FILIP1L: variants seen among roughly 807,000 people sequenced by gnomAD.
FILIP1L encodes the protein filamin A-interacting protein 1-like.
FILIP1L carries 55 observed loss-of-function variants against 96.6 expected under a neutral mutation model. That is an observed-to-expected ratio of 0.57 (90% confidence interval 0.46 to 0.71). FILIP1L has a LOEUF of 0.71. Among genes scored for constraint, FILIP1L ranks in the 30% least tolerant of loss-of-function variants. The pLI is 0.00. For synonymous variants in FILIP1L, 467 were observed against 473.9 expected, an observed-to-expected ratio of 0.99 and a Z score of 0.19; for missense variants, 1,304 against 1,321.2, an observed-to-expected ratio of 0.99 and a Z score of 0.20.
intron 1 of FILIP1L, among the ~76,000 whole-genome samples, chr3:100,042,360 C>T (rs1460976471): frequency 6.6e-6 from 1 of 152,026 alleles, no homozygotes; most frequent in African/African-American, 2.4e-5. Context: ...GGCTCTGTGA[C>T]CAGCCAATAC....
chr3:100,099,594 G>A (rs992214183), intron 1 of FILIP1L, among the ~76,000 whole-genome samples: 1 of 152,082 alleles, frequency 6.6e-6, no homozygotes, highest in African/African-American at 2.4e-5. Flanking sequence ...TTACACAGGG[G>A]AATTACAATA....
rs749740482 is a variant in FILIP1L, at chr3:99,848,395, C to T, written c.3281G>A (p.Gly1094Asp). Reference protein sequence around the residue: ...SAPLQDNRTQGLINGALNKTT... With the variant: ...SAPLQDNRTQDLINGALNKTT... ...TTTGTTTAGTGCCCCGTTAATTAAG[C>T]CTTGAGTTCGGTTATCCTGCAGTGG... Residue 1094 changes from glycine to aspartate, a missense_variant, in exon 5 of 6, where the codon GGC becomes GAC. Coordinates refer to ENST00000477258, the MANE Select transcript of FILIP1L (RefSeq NM_001387850.1). The T allele has an allele frequency of 2.8e-5, 45 of 1,614,032 alleles. No homozygotes were observed. The highest frequency in any genetic ancestry group is 5.0e-5 in the Admixed American group (3 of 60,010).
chr3:100,092,025 T>A (rs1465438854), intron 1 of FILIP1L, among the ~76,000 whole-genome samples: 1 of 152,214 alleles, frequency 6.6e-6, no homozygotes, highest in Non-Finnish European at 1.5e-5. Context: ...TTGTGCCACA[T>A]ATGTAAAATG....
intron 4 of FILIP1L, among the ~76,000 whole-genome samples, chr3:99,851,889 G>C (rs1943713940): frequency 6.6e-6 from 1 of 152,186 alleles, no homozygotes; most frequent in Non-Finnish European, 1.5e-5. Context: ...AGAGACATCT[G>C]TATGGGTTTG....
chr3:99,855,538 AG>A (rs1943918740), intron 4 of FILIP1L, among the ~76,000 whole-genome samples: 1 of 152,230 alleles, frequency 6.6e-6, no homozygotes, highest in Non-Finnish European at 1.5e-5. Flanking sequence ...AGGCTCACAA[AG>A]GTCAAGAAGG....
In FILIP1L at chr3:100,037,971, CAG is replaced by C. The variant is rs1285342336; in HGVS notation, c.-11+76080_-11+76081del. Among the ~76,000 whole-genome samples the C allele has an allele frequency of 1.1e-4, 13 of 116,832 alleles. No individual in the cohort carries two copies. In the East Asian group the frequency reaches 1.4e-3, roughly 12 times the overall value. The allele number at this position is 116,832 out of a possible 152,430, so 76.6% of individuals were successfully genotyped here. A position where few individuals can be genotyped will look rare whatever the true frequency, so the allele number is the denominator to read the frequency against. ...TTTTTTTTTTTGGGGGGGGAGGGAA[CAG>C]AGTCTCAAATCTCGCTCTGTCGCCC... On this transcript the variant is annotated intron_variant, in intron 1 of 5. Coordinates refer to ENST00000477258, the MANE Select transcript of FILIP1L (RefSeq NM_001387850.1).
At chr3:99,889,346 G>T (rs903973567) in intron 4 of FILIP1L, among the ~76,000 whole-genome samples, 3 of 151,934 alleles carry the variant, frequency 2.0e-5, no homozygotes, top group African/African-American at 7.2e-5. Flanking sequence ...CTTTATAGAT[G>T]TTTTTAACTT....
At chr3:99,981,172 C>T (rs763658863) in intron 1 of FILIP1L, among the ~76,000 whole-genome samples, 7 of 152,150 alleles carry the variant, frequency 4.6e-5, no homozygotes, top group Non-Finnish European at 8.8e-5. Context: ...GATGTGGTGC[C>T]AATAGTTCTT....
At chr3:100,011,108 A>G (rs1710143376) in intron 1 of FILIP1L, among the ~76,000 whole-genome samples, 1 of 152,186 alleles carries the variant, frequency 6.6e-6, no homozygotes, top group Non-Finnish European at 1.5e-5. Context: ...TTCTGATATT[A>G]AGCACGACAG....
intron 3 of FILIP1L, among the ~76,000 whole-genome samples, chr3:99,927,348 A>G (rs1707325571): frequency 6.6e-6 from 1 of 151,966 alleles, no homozygotes; most frequent in South Asian, 2.1e-4. Context: ...TGGTAAATCC[A>G]AAATGTTGTT....
intron 1 of FILIP1L, among the ~76,000 whole-genome samples, chr3:100,001,896 G>T (rs1429825671): frequency 6.6e-6 from 1 of 152,198 alleles, no homozygotes; most frequent in Non-Finnish European, 1.5e-5. Context: ...AGCATAGAAG[G>T]TCGGGGACCC....
chr3:99,893,557 G>C (rs1355315486), intron 4 of FILIP1L, among the ~76,000 whole-genome samples: 2 of 152,138 alleles, frequency 1.3e-5, no homozygotes, highest in African/African-American at 4.8e-5. Flanking sequence ...TCTAAGACTA[G>C]ATTTTGGTTT....
Position 100,114,120 on chromosome 3 carries a change from A to G in FILIP1L, c.-78T>C, listed in dbSNP as rs1025310463. 4 of 152,098 alleles carry G rather than the reference A, an allele frequency of 2.6e-5. No homozygotes were observed. Among genetic ancestry groups the G allele is most frequent in the Non-Finnish European group, 4.4e-5 (3 of 68,072 alleles). 9.4% of individuals were successfully genotyped at this position (152,098 alleles called of 1,614,324 possible). ...TTCTTCTCATCCCCACCAAAATCCAACAGTGGAATCCAGGACCAACAACAA... is the reference window on the plus strand; with the variant it reads ...TTCTTCTCATCCCCACCAAAATCCAGCAGTGGAATCCAGGACCAACAACAA... On this transcript the variant is annotated 5_prime_UTR_variant, in exon 1 of 6. Coordinates refer to ENST00000477258, the MANE Select transcript of FILIP1L (RefSeq NM_001387850.1).
chr3:100,091,899 A>G (rs1459278312), intron 1 of FILIP1L, among the ~76,000 whole-genome samples: 2 of 152,226 alleles, frequency 1.3e-5, no homozygotes, highest in Non-Finnish European at 2.9e-5. Flanking sequence ...GGCAGTATAT[A>G]ACATGGTGGT....
intron 4 of FILIP1L, among the ~76,000 whole-genome samples, chr3:99,920,214 T>G (rs1471668767): frequency 4.6e-5 from 7 of 152,332 alleles, no homozygotes; most frequent in Admixed American, 4.6e-4. Context: ...ACATAGTTTG[T>G]TTTAGAATTC....
chr3:99,862,890 A>G (rs1472908955), intron 4 of FILIP1L, among the ~76,000 whole-genome samples: 1 of 152,196 alleles, frequency 6.6e-6, no homozygotes, highest in Non-Finnish European at 1.5e-5. Flanking sequence ...TGAATGTCCA[A>G]TATCCAATGA....
At chr3:100,082,286 T>G (rs1175817546) in intron 1 of FILIP1L, among the ~76,000 whole-genome samples, 1 of 152,178 alleles carries the variant, frequency 6.6e-6, no homozygotes, top group Non-Finnish European at 1.5e-5. Flanking sequence ...ATGTAAAAAG[T>G]AAATACTACT....
At chr3:99,837,377 G>A (rs1451638917) in intron 5 of FILIP1L, among the ~76,000 whole-genome samples, 1 of 147,994 alleles carries the variant, frequency 6.8e-6, no homozygotes, top group Non-Finnish European at 1.5e-5. Context: ...ATTCAGGCAA[G>A]AACACCATGA....
chr3:100,093,836 T>C (rs952773084), intron 1 of FILIP1L, among the ~76,000 whole-genome samples: 1 of 152,196 alleles, frequency 6.6e-6, no homozygotes, highest in African/African-American at 2.4e-5. Context: ...TTTTCACTTA[T>C]CACATAGCAC....
Sources: allele counts gnomAD v4.1 joint callset (sites outside exome capture counted in the v4.1 genomes callset), GRCh38; gene constraint gnomAD v4.1.1; transcripts MANE v1.5; gene names NCBI Gene and HGNC (gene_info 2026-07-23, HGNC 2026-07-21).